IRS4: variants seen among roughly 807,000 people sequenced by gnomAD.
IRS4 encodes the protein insulin receptor substrate 4, also known as 160 kDa phosphotyrosine protein.
IRS4 carries 15 observed loss-of-function variants against 48.6 expected under a neutral mutation model. The observed-to-expected ratio is 0.31, with a 90% CI of 0.21 to 0.48. The LOEUF (loss-of-function observed/expected upper bound fraction) is 0.48. IRS4 is among the 20% of genes least tolerant of loss of function. The pLI is 0.99. For missense variants in IRS4, 987 were observed against 1,023.4 expected, an observed-to-expected ratio of 0.96 and a Z score of 0.49; for synonymous variants, 459 against 413.2, an observed-to-expected ratio of 1.11 and a Z score of -1.34.
Position 108,732,645 on chromosome X carries a change from C to T in IRS4, c.3700G>A (p.Asp1234Asn). Reference protein sequence around the residue: ...RPPEREDSDNDDDTHVRMDFA... With the variant: ...RPPEREDSDNNDDTHVRMDFA... Reference sequence around the variant, plus strand: ...TCCATTCTCACGTGAGTGTCGTCGTCGTTGTCAGAATCTTCTCTCTCCGGG... The same window carrying T: ...TCCATTCTCACGTGAGTGTCGTCGTTGTTGTCAGAATCTTCTCTCTCCGGG... Residue 1234 changes from aspartate (D) to asparagine (N), a missense_variant, in exon 1 of 2, where the codon GAC becomes AAC. Physicochemically the swap from Asp to Asn is conservative, Grantham distance 23. Around this residue, in one of 4 missense-constraint regions of IRS4, gnomAD observed 720 missense variants for 660.3 expected, o/e 1.09. Coordinates refer to ENST00000372129, the MANE Select transcript of IRS4 (RefSeq NM_001379150.1). 3 of 1,211,771 alleles carry T rather than the reference C, an allele frequency of 2.5e-6. 1 individual carries two copies. The highest frequency in any genetic ancestry group is 3.5e-5 in the African/African-American group (2 of 57,778).
Position 108,735,618 on chromosome X carries a change from C to T in IRS4, c.727G>A (p.Gly243Arg). 2 of 1,208,492 alleles carry T rather than the reference C, an allele frequency of 1.7e-6. No homozygotes were observed. The highest frequency in any genetic ancestry group is 2.2e-6 in the Non-Finnish European group (2 of 894,724). The part of the protein sequence containing the change: ...DVWQVIVKPR[G>R]LGHRKELSGV... Reference sequence around the variant, plus strand: ...CTCAGCTCTTTTCTGTGCCCCAGCCCCCTGGGTTTGACTATTACCTGCCAC... The same window carrying T: ...CTCAGCTCTTTTCTGTGCCCCAGCCTCCTGGGTTTGACTATTACCTGCCAC... Residue 243 changes from glycine to arginine, a missense_variant, in exon 1 of 2, where the codon GGG (glycine) becomes AGG (arginine). By Grantham distance (125) the Gly-to-Arg change is moderately radical (BLOSUM62 -2). Transcript: ENST00000372129.
At position 108,720,825 on chromosome X, in the gene IRS4, C is replaced by T. The variant is rs1464504214; in HGVS notation, c.*1694G>A. On this transcript the variant is annotated 3_prime_UTR_variant, in exon 2 of 2. Transcript: ENST00000372129. Reference sequence around the variant, plus strand: ...CAATGACTGATCTCATAGCCACGTCCTCTCCTCAGCACAATTTACAAGAGG... The same window carrying T: ...CAATGACTGATCTCATAGCCACGTCTTCTCCTCAGCACAATTTACAAGAGG... 3 of 111,873 alleles carry T rather than the reference C, an allele frequency of 2.7e-5. No individual in the cohort carries two copies. The highest frequency in any genetic ancestry group is 9.8e-5 in the African/African-American group (3 of 30,759). 9.2% of individuals were successfully genotyped at this position (111,873 alleles called of 1,213,427 possible). A position where few individuals can be genotyped will look rare whatever the true frequency, so the allele number is the denominator to read the frequency against.
intron 1 of IRS4, chrX:108,723,492 G>T: frequency 8.9e-6 from 1 of 111,978 alleles, no homozygotes; most frequent in Non-Finnish European, 1.9e-5. Flanking sequence ...TTTGCAGCTG[G>T]ATGAAGCACT....
chrX:108,733,806 A>T lies in IRS4; in HGVS notation c.2539T>A (p.Tyr847Asn), dbSNP rs2068925791. The T allele has an allele frequency of 3.3e-6, 4 of 1,209,905 alleles. No individual in the cohort carries two copies. The highest frequency in any genetic ancestry group is 4.5e-6 in the Non-Finnish European group (4 of 895,248). Residue 847 changes from tyrosine (Y) to asparagine (N), a missense_variant, in exon 1 of 2, where the codon TAT becomes AAT. This residue lies in a region of IRS4 where 720 missense variants were observed against 660.3 expected (regional missense o/e 1.09). Transcript: ENST00000372129. ...LGRGLDKEVS[Y>N]NWDPKDAASK... ...GCTGCATCTTTGGGGTCCCAGTTAT[A>T]GGAGACTTCTTTGTCTAGGCCCCTC...
intron 1 of IRS4, chrX:108,726,216 G>C (rs2068874381): frequency 1.8e-5 from 2 of 112,434 alleles, no homozygotes; most frequent in Non-Finnish European, 3.8e-5. Context: ...TTATAGCTTT[G>C]TCTAGATATG....
In IRS4 at chrX:108,732,609, G is replaced by T. The variant is rs199821642; in HGVS notation, c.3736C>A (p.Arg1246Ser). The T allele has an allele frequency of 1.7e-6, 2 of 1,209,744 alleles. No homozygotes were observed. The highest frequency in any genetic ancestry group is 3.0e-5 in the East Asian group (1 of 33,753). ...TTGGGAGAGTCGAACTGATTATCAC[G>T]TCTGGCAAAATCCATTCTCACGTGA... ...DTHVRMDFAR[R>S]DNQFDSPKRE The change falls in exon 1 of 2, where the codon CGT (arginine) becomes AGT (serine). Residue 1246 changes from arginine (R) to serine (S), a missense_variant. Physicochemically the swap from Arg to Ser is moderately radical, Grantham distance 110. This residue lies in a region of IRS4 where 720 missense variants were observed against 660.3 expected (regional missense o/e 1.09). Coordinates refer to ENST00000372129, the MANE Select transcript of IRS4 (RefSeq NM_001379150.1).
In IRS4 at chrX:108,721,565, A is replaced by G. The variant is rs780296072; in HGVS notation, c.*954T>C. 5 of 111,293 alleles carry G rather than the reference A, an allele frequency of 4.5e-5. No individual in the cohort carries two copies. In the South Asian group the frequency reaches 1.9e-3, roughly 42 times the overall value. The allele number at this position is 111,293 out of a possible 1,213,427, so 9.2% of individuals were successfully genotyped here. A position where few individuals can be genotyped will look rare whatever the true frequency, so the allele number is the denominator to read the frequency against. On this transcript the variant is annotated 3_prime_UTR_variant, in exon 2 of 2. Transcript: ENST00000372129. Reference sequence around the variant, plus strand: ...TGATCTCTTTATAGTAGCCATGGGCATAAGAGGAAGAGTGTGCATTGGGGA... The same window carrying G: ...TGATCTCTTTATAGTAGCCATGGGCGTAAGAGGAAGAGTGTGCATTGGGGA...
chrX:108,734,960 C>T lies in IRS4; in HGVS notation c.1385G>A (p.Gly462Asp), dbSNP rs142938733. Residue 462 changes from glycine (G) to aspartate (D), a missense_variant, in exon 1 of 2, where the codon GGT becomes GAT. Transcript: ENST00000372129. ...CTCCCCAAAGTTGCCAGAGCCAGAA[C>T]CAGACACTTCAGAAGACAGGCGAGC... is the stretch of plus-strand genomic sequence containing the variant. ...NGARLSSEVS[G>D]SGSGNFGEEG... 24 of 1,212,076 alleles carry T rather than the reference C, an allele frequency of 2.0e-5. No homozygotes were observed. The highest frequency in any genetic ancestry group is 2.6e-5 in the Non-Finnish European group (23 of 895,619).
At chrX:108,731,806 G>A (rs1022681156) in intron 1 of IRS4, among the ~76,000 whole-genome samples, 23 of 111,885 alleles carry the variant, frequency 2.1e-4, no homozygotes, top group African/African-American at 7.2e-4. Flanking sequence ...AGGGTGGGGG[G>A]TTAAAAGAAG....
rs2068930053 is a variant in IRS4, at chrX:108,734,338, T to G, written c.2007A>C (p.Glu669Asp). Residue 669 changes from glutamate (E) to aspartate (D), a missense_variant, in exon 1 of 2, where the codon GAA becomes GAC. Physicochemically the swap from Glu to Asp is conservative, Grantham distance 45 (BLOSUM62 2). This residue lies in a region of IRS4 where 720 missense variants were observed against 660.3 expected (regional missense o/e 1.09). Transcript: ENST00000372129. ...TCTCTGCATCTTTCACTTCTTTGGC[T>G]TCTTTGCATTCTTTCGTGGCTCCTC... is the stretch of plus-strand genomic sequence containing the variant. ...VDRGATKECK[E>D]AKEVKDAEIP... The G allele has an allele frequency of 8.3e-7, 1 of 1,208,954 alleles. No individual in the cohort carries two copies. Among genetic ancestry groups the G allele is most frequent in the Admixed American group, 2.2e-5 (1 of 45,711 alleles).
Position 108,721,190 on chromosome X carries a change from TATG to T in IRS4, c.*1326_*1328del, listed in dbSNP as rs1419045910. The T allele has an allele frequency of 8.9e-6, 1 of 111,965 alleles. No individual in the cohort carries two copies. Among genetic ancestry groups the T allele is most frequent in the Non-Finnish European group, 1.9e-5 (1 of 53,188 alleles). The allele number at this position is 111,965 out of a possible 1,213,427, so 9.2% of individuals were successfully genotyped here. A position where few individuals can be genotyped will look rare whatever the true frequency, so the allele number is the denominator to read the frequency against. ...CACATACAAACACACCCAACTGTGA[TATG>T]ATGAGGTTTGCCAATGATGGTACAG... is the stretch of plus-strand genomic sequence containing the variant. On this transcript the variant is annotated 3_prime_UTR_variant, in exon 2 of 2. Coordinates refer to ENST00000372129, the MANE Select transcript of IRS4 (RefSeq NM_001379150.1).
rs1035919968 is a variant in IRS4 at position 108,733,153 on chromosome X, T to C, written c.3192A>G (p.Arg1064=). The change falls in exon 1 of 2, where the codon CGA becomes CGG. Residue 1064 remains arginine, a synonymous_variant. Coordinates refer to ENST00000372129, the MANE Select transcript of IRS4 (RefSeq NM_001379150.1). Reference sequence around the variant, plus strand: ...TAGCTACAGGTGGTGGTTCAGAACATCGGCTGGGGGAGAGAGAAATATCCA... The same window carrying C: ...TAGCTACAGGTGGTGGTTCAGAACACCGGCTGGGGGAGAGAGAAATATCCA... ...CCMDISLSPS[R]CSEPPPVARL... The C allele has an allele frequency of 1.7e-6, 2 of 1,210,553 alleles. No homozygotes were observed. Among genetic ancestry groups the C allele is most frequent in the East Asian group, 3.0e-5 (1 of 33,799 alleles).
chrX:108,734,237 A>T lies in IRS4; in HGVS notation c.2108T>A (p.Met703Lys). 8.3e-7 allele frequency: 1 copy of T among 1,211,231 alleles called. No homozygotes were observed. Among genetic ancestry groups the T allele is most frequent in the Non-Finnish European group, 1.1e-6 (1 of 895,355 alleles). The change falls in exon 1 of 2, where the codon ATG (methionine) becomes AAG (lysine). Residue 703 changes from methionine (M) to lysine (K), a missense_variant. By Grantham distance (95) the Met-to-Lys change is moderately conservative. This residue lies in a region of IRS4 where 720 missense variants were observed against 660.3 expected (regional missense o/e 1.09). Coordinates refer to ENST00000372129, the MANE Select transcript of IRS4 (RefSeq NM_001379150.1). ...AAGAGGGGTGGCCACCCCTGGCCTC[A>T]TTGGCACGTATGGGTCATCCTCATC... Reference protein sequence around the residue: ...DEDEDDPYVPMRPGVATPLVS... With the variant: ...DEDEDDPYVPKRPGVATPLVS...
In IRS4 at chrX:108,725,054, A is replaced by G. The variant is rs1211447122; in HGVS notation, c.3767-2531T>C. 5.4e-5 allele frequency: 6 copies of G among 111,471 alleles called. No individual in the cohort carries two copies. In the East Asian group the frequency reaches 1.7e-3, roughly 32 times the overall value. The allele number at this position is 111,471 out of a possible 1,213,427, so 9.2% of individuals were successfully genotyped here. A position where few individuals can be genotyped will look rare whatever the true frequency, so the allele number is the denominator to read the frequency against. On this transcript the variant is annotated intron_variant, in intron 1 of 1. Transcript: ENST00000372129. ...TTTCTGTTTCGAGTTATATAATGAT[A>G]TAAACCTGAACATTAATCTTTAATA...
chrX:108,732,549 T>G, intron 1 of IRS4, 30 bp downstream of exon 1: 1 of 1,210,379 alleles, frequency 8.3e-7, no homozygotes, highest in Non-Finnish European at 1.1e-6. Flanking sequence ...GACCATTCAC[T>G]TTAGGGAAAT....
At chrX:108,728,826 A>G (rs1233293609) in intron 1 of IRS4, among the ~76,000 whole-genome samples, 1 of 111,896 alleles carries the variant, frequency 8.9e-6, no homozygotes, top group Non-Finnish European at 1.9e-5. Flanking sequence ...AGAAAGTAAG[A>G]GATCTCGTTC....
chrX:108,728,725 C>T (rs186651805), intron 1 of IRS4, among the ~76,000 whole-genome samples: 2 of 112,199 alleles, frequency 1.8e-5, no homozygotes, highest in East Asian at 2.8e-4. Context: ...TCCCTACACT[C>T]GTCAGCCACA....
Position 108,733,472 on chromosome X carries a change from T to C in IRS4, c.2873A>G (p.Asn958Ser). Residue 958 changes from asparagine (N) to serine (S), a missense_variant, in exon 1 of 2, where the codon AAT becomes AGT. Physicochemically the swap from Asn to Ser is conservative, Grantham distance 46. Around this residue, in one of 4 missense-constraint regions of IRS4, gnomAD observed 720 missense variants for 660.3 expected, o/e 1.09. Coordinates refer to ENST00000372129, the MANE Select transcript of IRS4 (RefSeq NM_001379150.1). Reference sequence around the variant, plus strand: ...CACTCCAAACTCAACATTCACATAATTAGAAAAGGCTGACTGTCTGGGTTC... The same window carrying C: ...CACTCCAAACTCAACATTCACATAACTAGAAAAGGCTGACTGTCTGGGTTC... ...IAEPRQSAFS[N>S]YVNVEFGVPF... 8.3e-7 allele frequency: 1 copy of C among 1,211,359 alleles called. No homozygotes were observed. Among genetic ancestry groups the C allele is most frequent in the Non-Finnish European group, 1.1e-6 (1 of 895,442 alleles).
chrX:108,727,595 C>T (rs2068881757), intron 1 of IRS4, among the ~76,000 whole-genome samples: 1 of 112,248 alleles, frequency 8.9e-6, no homozygotes, highest in African/African-American at 3.2e-5. Flanking sequence ...GCAACGTTTT[C>T]TAGTAAATGA....
Sources: gnomAD v4.1 joint callset for allele counts (sites outside exome capture counted in the v4.1 genomes callset) on GRCh38, gnomAD v4.1.1 for gene constraint, gnomAD v4.1.1 regional missense constraint, MANE v1.5 for transcripts, NCBI Gene and HGNC (gene_info 2026-07-23, HGNC 2026-07-21) for gene names.